The following CHI3L1 variants were observed in gnomAD, a reference collection of about 807,000 sequenced individuals.
CHI3L1 encodes the protein chitinase-3-like protein 1.
In CHI3L1, 30 loss-of-function variants were observed where a neutral mutation model predicts 40.7. The observed-to-expected ratio is 0.74, with a 90% CI of 0.55 to 1.00. The LOEUF (loss-of-function observed/expected upper bound fraction) is 1.00. Ranked by LOEUF, CHI3L1 falls within the 50% of genes least tolerant of loss-of-function variation. The probability of loss-of-function intolerance (pLI) is 0.00; values close to 1 mark genes in which losing one functional copy is unlikely to be tolerated. For synonymous variants in CHI3L1, 210 were observed against 192.1 expected, an observed-to-expected ratio of 1.09 and a Z score of -0.77; for missense variants, 493 against 492.2, an observed-to-expected ratio of 1.00 and a Z score of -0.01.
In CHI3L1 at chr1:203,184,586, C is replaced by A. The variant is rs765933629; in HGVS notation, c.304G>T (p.Gly102Trp). Residue 102 changes from glycine (G) to tryptophan (W), a missense_variant, in exon 4 of 10, where the codon GGG becomes TGG. Physicochemically the swap from Gly to Trp is radical, Grantham distance 184 (BLOSUM62 -2). Coordinates refer to ENST00000255409, the MANE Select transcript of CHI3L1 (RefSeq NM_001276.4). ...TLLSVGGWNF[G>W]SQRFSKIASN... ...GGGAGAGGCTCCTACCTTTGAGACC[C>A]AAAGTTCCATCCTCCGACAGACAAG... The A allele has an allele frequency of 1.9e-5, 30 of 1,613,854 alleles. No individual in the cohort carries two copies. The highest frequency in any genetic ancestry group is 2.5e-5 in the Non-Finnish European group (29 of 1,179,886).
Position 203,183,768 on chromosome 1 carries a change from G to C in CHI3L1, c.338C>G (p.Thr113Ser). 6.2e-7 allele frequency: 1 copy of C among 1,614,210 alleles called. No homozygotes were observed. ...SQRFSKIASNTQSRRTFIKSV... is the reference protein window; with the variant it reads ...SQRFSKIASNSQSRRTFIKSV... ...CTTGATGAAAGTCCGGCGACTCTGG[G>C]TGTTGGAGGCTATCTTGGAAAATCT... The change falls in exon 5 of 10, where the codon ACC (threonine) becomes AGC (serine). Residue 113 changes from threonine (T) to serine (S), a missense_variant. Thr to Ser is a moderately conservative substitution (Grantham distance 58, BLOSUM62 1). Coordinates refer to ENST00000255409, the MANE Select transcript of CHI3L1 (RefSeq NM_001276.4).
chr1:203,179,417 G>T lies in CHI3L1; in HGVS notation c.*28C>A. On this transcript the variant is annotated 3_prime_UTR_variant, in exon 10 of 10. Coordinates refer to ENST00000255409, the MANE Select transcript of CHI3L1 (RefSeq NM_001276.4). ...GCCAGAGGGGGACGGGGCATCCTTG[G>T]CCCCCGTGCTGTGTGCAGAACAGAG... is the stretch of plus-strand genomic sequence containing the variant. 6.6e-7 allele frequency: 1 copy of T among 1,506,592 alleles called. No individual in the cohort carries two copies. The highest frequency in any genetic ancestry group is 8.9e-7 in the Non-Finnish European group (1 of 1,124,840). 93.3% of individuals were successfully genotyped at this position (1,506,592 alleles called of 1,614,324 possible). A position where few individuals can be genotyped will look rare whatever the true frequency, so the allele number is the denominator to read the frequency against.
chr1:203,183,740 T>C lies in CHI3L1; in HGVS notation c.366A>G (p.Ser122=), dbSNP rs1260433920. ...NTQSRRTFIK[S]VPPFLRTHGF... is the part of the protein sequence containing the mutation. The stretch of plus-strand genomic sequence containing the variant: ...CATGGGTGCGCAGAAATGGCGGTAC[T>C]GACTTGATGAAAGTCCGGCGACTCT... Residue 122 remains serine (S), a synonymous_variant, in exon 5 of 10, where the codon TCA becomes TCG. Coordinates refer to ENST00000255409, the MANE Select transcript of CHI3L1 (RefSeq NM_001276.4). 8.7e-6 allele frequency: 14 copies of C among 1,614,114 alleles called. No homozygotes were observed. Among genetic ancestry groups the C allele is most frequent in the Admixed American group, 6.7e-5 (4 of 60,014 alleles).
chr1:203,184,744 G>T, intron 3 of CHI3L1, 112 bp from the exon 4 acceptor site: 1 of 850,744 alleles, frequency 1.2e-6, no homozygotes, highest in Non-Finnish European at 2.0e-6. Flanking sequence ...GTGAGAGGCT[G>T]GGTTAGGCCG....
Position 203,183,753 on chromosome 1 carries a change from G to T in CHI3L1, c.353C>A (p.Thr118Asn). The change falls in exon 5 of 10, where the codon ACT (threonine) becomes AAT (asparagine). Residue 118 changes from threonine to asparagine, a missense_variant. Thr to Asn is a moderately conservative substitution (Grantham distance 65, BLOSUM62 0). Coordinates refer to ENST00000255409, the MANE Select transcript of CHI3L1 (RefSeq NM_001276.4). ...KIASNTQSRR[T>N]FIKSVPPFLR... ...AAATGGCGGTACTGACTTGATGAAA[G>T]TCCGGCGACTCTGGGTGTTGGAGGC... The T allele has an allele frequency of 6.2e-7, 1 of 1,614,190 alleles. No homozygotes were observed. The highest frequency in any genetic ancestry group is 1.3e-5 in the African/African-American group (1 of 75,042).
Position 203,181,265 on chromosome 1 carries a change from A to C in CHI3L1, c.608T>G (p.Ile203Ser). ...KISQHLDFIS[I>S]MTYDFHGAWR... ...GGCTCCATGAAAATCGTAGGTCATG[A>C]TGCTAATGAAATCCAGGTGTCTGAG... Residue 203 changes from isoleucine (I) to serine (S), a missense_variant, in exon 7 of 10, where the codon ATC (isoleucine) becomes AGC (serine). Physicochemically the swap from Ile to Ser is moderately radical, Grantham distance 142 (BLOSUM62 -2). Transcript: ENST00000255409. 1 of 1,614,048 alleles carries C rather than the reference A, an allele frequency of 6.2e-7. No homozygotes were observed. Among genetic ancestry groups the C allele is most frequent in the Non-Finnish European group, 8.5e-7 (1 of 1,179,946 alleles).
At chr1:203,184,214 C>A (rs994027345) in intron 4 of CHI3L1, among the ~76,000 whole-genome samples, 11 of 152,206 alleles carry the variant, frequency 7.2e-5, no homozygotes, top group Non-Finnish European at 7.4e-5. Context: ...AATCCAAAGA[C>A]TCCTCCCAGG....
At chr1:203,183,581 A>G (rs1655991277) in intron 5 of CHI3L1, 60 bp downstream of exon 5, 2 of 1,582,466 alleles carry the variant, frequency 1.3e-6, no homozygotes, top group Middle Eastern at 2.0e-4. Context: ...GCCGGCTTCT[A>G]GCCCACCCCA....
Position 203,179,577 on chromosome 1 carries a change from G to T in CHI3L1, c.1020C>A (p.Tyr340Ter). 1 of 1,611,616 alleles carries T rather than the reference G, an allele frequency of 6.2e-7. No individual in the cohort carries two copies. The highest frequency in any genetic ancestry group is 8.5e-7 in the Non-Finnish European group (1 of 1,177,984). ...CGCCCGCCAGCTGCCTGTCCTTCAG[G>T]TACTGCACCTGGCAGGGGAGGCCCA... ...DQESVKSKVQ[Y>*]LKDRQLAGAM... Residue 340 changes from tyrosine (Y) to a stop codon, truncating the protein, a stop_gained, in exon 10 of 10, where the codon TAC becomes TAA. Transcript: ENST00000255409. LOFTEE classifies it low-confidence loss of function (END_TRUNC).
intron 4 of CHI3L1, 75 bp from the exon 5 acceptor site, chr1:203,183,866 A>G: frequency 6.5e-7 from 1 of 1,537,248 alleles, no homozygotes; most frequent in Non-Finnish European, 9.0e-7. Flanking sequence ...TGGGGTTTCC[A>G]GGACCTGCAG....
rs756456263 is a variant in CHI3L1, at chr1:203,182,742, G to C, written c.576C>G (p.Ala192=). 3 of 1,613,994 alleles carry C rather than the reference G, an allele frequency of 1.9e-6. No individual in the cohort carries two copies. The highest frequency in any genetic ancestry group is 1.7e-6 in the Non-Finnish European group (2 of 1,179,976). Residue 192 remains alanine (A), a synonymous_variant, in exon 6 of 10, where the codon GCC becomes GCG. Transcript: ENST00000255409. ...KVTIDSSYDI[A]KISQHLDFIS... is the part of the protein sequence containing the mutation. ...GGCAGGAGACTCACTGGGATATCTT[G>C]GCAATGTCATAGCTGCTGTCAATGG... is the stretch of plus-strand genomic sequence containing the variant.
At chr1:203,182,556 A>G (rs1011344354) in intron 6 of CHI3L1, among the ~76,000 whole-genome samples, 175 bp downstream of exon 6, 4 of 152,254 alleles carry the variant, frequency 2.6e-5, no homozygotes, top group African/African-American at 9.6e-5. Context: ...AGATGGGGAA[A>G]CTGAGGCACA....
chr1:203,180,668 T>C lies in CHI3L1; in HGVS notation c.712-16A>G. 2.3e-6 allele frequency: 2 copies of C among 873,260 alleles called. No homozygotes were observed. Among genetic ancestry groups the C allele is most frequent in the South Asian group, 2.8e-5 (2 of 71,118 alleles). 54.1% of individuals were successfully genotyped at this position (873,260 alleles called of 1,614,324 possible). A position where few individuals can be genotyped will look rare whatever the true frequency, so the allele number is the denominator to read the frequency against. ...CAGCATAGTCCTGGGTGGGGTAGGG[T>C]GGGAACAACGTGAGCAGTTAGTGCA... On this transcript the variant is annotated splice_polypyrimidine_tract_variant and intron_variant, in intron 7 of 9. Coordinates refer to ENST00000255409, the MANE Select transcript of CHI3L1 (RefSeq NM_001276.4).
At position 203,185,176 on chromosome 1, in the gene CHI3L1, G is replaced by T; in HGVS notation, c.257+8C>A. ...GGTCCCTCCTCTCCTGGCCAGCCCT[G>T]GCCCAACCTGTTCTTGAGTGTGTTG... On this transcript the variant is annotated splice_region_variant and intron_variant, in intron 3 of 9. Transcript: ENST00000255409. 1 of 1,613,140 alleles carries T rather than the reference G, an allele frequency of 6.2e-7. No homozygotes were observed.
Position 203,183,736 on chromosome 1 carries a change from G to C in CHI3L1, c.370C>G (p.Pro124Ala), listed in dbSNP as rs115095389. Residue 124 changes from proline to alanine, a missense_variant, in exon 5 of 10, where the codon CCG (proline) becomes GCG (alanine). Pro to Ala is a conservative substitution (Grantham distance 27). Coordinates refer to ENST00000255409, the MANE Select transcript of CHI3L1 (RefSeq NM_001276.4). Reference sequence around the variant, plus strand: ...AAGCCATGGGTGCGCAGAAATGGCGGTACTGACTTGATGAAAGTCCGGCGA... The same window carrying C: ...AAGCCATGGGTGCGCAGAAATGGCGCTACTGACTTGATGAAAGTCCGGCGA... ...QSRRTFIKSV[P>A]PFLRTHGFDG... 2,339 of 1,614,192 alleles carry C rather than the reference G, an allele frequency of 1.4e-3. 7 individuals carry two copies. The highest frequency in any genetic ancestry group is 3.2e-3 in the Admixed American group (193 of 60,028).
rs1656063762 is a variant in CHI3L1 at position 203,186,687 on chromosome 1, C to T, written c.-64G>A. 3.1e-6 allele frequency: 5 copies of T among 1,597,404 alleles called. No individual in the cohort carries two copies. Among genetic ancestry groups the T allele is most frequent in the Non-Finnish European group, 4.3e-6 (5 of 1,165,448 alleles). ...CCTTGCCCACGGCTCCTGGTGCCAG[C>T]TACCTAGACAGGGCCTCTTCCCCAG... On this transcript the variant is annotated 5_prime_UTR_variant, in exon 1 of 10. Transcript: ENST00000255409.
At chr1:203,186,053 A>G (rs1392575385) in intron 2 of CHI3L1, among the ~76,000 whole-genome samples, 1 of 152,220 alleles carries the variant, frequency 6.6e-6, no homozygotes, top group African/African-American at 2.4e-5. Flanking sequence ...AGCGGCTCCC[A>G]GGGGCTGTTA....
chr1:203,184,663 G>A, intron 3 of CHI3L1, 31 bp from the exon 4 acceptor site: 1 of 1,591,480 alleles, frequency 6.3e-7, no homozygotes, highest in Non-Finnish European at 8.6e-7. Flanking sequence ...GGGAGGGCAG[G>A]AGTGGAATGA....
chr1:203,179,235 G>A lies in CHI3L1; in HGVS notation c.*210C>T, dbSNP rs868403592. The A allele has an allele frequency of 3.1e-5, 14 of 455,954 alleles. No individual in the cohort carries two copies. The highest frequency in any genetic ancestry group is 5.5e-4 in the Middle Eastern group (1 of 1,812). The allele number at this position is 455,954 out of a possible 1,614,324, so 28.2% of individuals were successfully genotyped here. A position where few individuals can be genotyped will look rare whatever the true frequency, so the allele number is the denominator to read the frequency against. ...CTAATCCCGAGTCTTACATTGCGAT[G>A]CCTCACTATCCCCACAGCCCCATCC... is the stretch of plus-strand genomic sequence containing the variant. On this transcript the variant is annotated 3_prime_UTR_variant, in exon 10 of 10. Coordinates refer to ENST00000255409, the MANE Select transcript of CHI3L1 (RefSeq NM_001276.4).
Sources: gnomAD v4.1 joint callset for allele counts (sites outside exome capture counted in the v4.1 genomes callset) on GRCh38, gnomAD v4.1.1 for gene constraint, MANE v1.5 for transcripts, NCBI Gene and HGNC (gene_info 2026-07-23, HGNC 2026-07-21) for gene names.